Variants in ANO6 observed in about 807,000 individuals in gnomAD.
ANO6 encodes anoctamin 6, also known as anoctamin-6.
Under a neutral mutation model 117.5 loss-of-function variants are expected in ANO6, and 106 were observed. The observed-to-expected ratio is 0.90, with a 90% CI of 0.77 to 1.06. ANO6 has a LOEUF of 1.06. Among genes scored for constraint, ANO6 ranks in the 50% least tolerant of loss-of-function variants. The pLI is 0.00. For missense variants in ANO6, 955 were observed against 1,121.1 expected (o/e 0.85, Z 2.12); for synonymous variants, 367 against 385.1 (o/e 0.95, Z 0.55).
chr12:45,388,995 T>C (rs1183149519), intron 11 of ANO6, among the ~76,000 whole-genome samples: 1 of 152,242 alleles, frequency 6.6e-6, no homozygotes. Flanking sequence ...TTCTTGCTTC[T>C]TTCCATCAAC....
At chr12:45,398,084 T>C (rs1309393373) in intron 12 of ANO6, among the ~76,000 whole-genome samples, 1 of 152,196 alleles carries the variant, frequency 6.6e-6, no homozygotes, top group Non-Finnish European at 1.5e-5. Context: ...AACATTTAAA[T>C]ATTTCTATAC....
At chr12:45,302,178 C>T in intron 2 of ANO6, 85 bp downstream of exon 2, 1 of 1,210,512 alleles carries the variant, frequency 8.3e-7, no homozygotes. Flanking sequence ...TTTATGAATT[C>T]ATTCCTTCAA....
intron 3 of ANO6, among the ~76,000 whole-genome samples, chr12:45,343,119 C>T (rs1398493793): frequency 6.6e-6 from 1 of 152,150 alleles, no homozygotes; most frequent in Non-Finnish European, 1.5e-5. Context: ...AAGTTTGGAA[C>T]AGCTCCCTAG....
At chr12:45,347,277 CT>C in intron 4 of ANO6, 190 bp downstream of exon 4, 1 of 569,214 alleles carries the variant, frequency 1.8e-6, no homozygotes, top group Non-Finnish European at 3.1e-6. Flanking sequence ...ACTAGCAGAT[CT>C]TTTTTAATAG....
At chr12:45,258,837 G>A (rs933490539) in intron 1 of ANO6, among the ~76,000 whole-genome samples, 1 of 152,196 alleles carries the variant, frequency 6.6e-6, no homozygotes, top group African/African-American at 2.4e-5. Context: ...TAAACTACGA[G>A]CTGGAAATAA....
Position 45,367,730 on chromosome 12 carries a change from G to T in ANO6, c.1041G>T (p.Met347Ile), listed in dbSNP as rs1376244974. The change falls in exon 9 of 20, where the codon ATG becomes ATT. Residue 347 changes from methionine to isoleucine, a missense_variant. Met to Ile is a conservative substitution (Grantham distance 10). Transcript: ENST00000320560. ...CTGATATTGGTGGCAAGATCATAATGTGTCCTCAGTGTGATAGGCTTTGTC... is the reference window on the plus strand; with the variant it reads ...CTGATATTGGTGGCAAGATCATAATTTGTCCTCAGTGTGATAGGCTTTGTC... ...CHPDIGGKII[M>I]CPQCDRLCPF... 3 of 1,613,588 alleles carry T rather than the reference G, an allele frequency of 1.9e-6. No individual in the cohort carries two copies. Among genetic ancestry groups the T allele is most frequent in the Non-Finnish European group, 2.5e-6 (3 of 1,179,848 alleles).
intron 1 of ANO6, among the ~76,000 whole-genome samples, chr12:45,280,972 T>G (rs1938711669): frequency 1.3e-5 from 2 of 152,192 alleles, no homozygotes; most frequent in South Asian, 2.1e-4. Context: ...ATCTGTCATC[T>G]TTCTGATAAA....
At chr12:45,337,094 G>T (rs1437573652) in intron 3 of ANO6, among the ~76,000 whole-genome samples, 1 of 152,068 alleles carries the variant, frequency 6.6e-6, no homozygotes, top group Non-Finnish European at 1.5e-5. Context: ...GTTTTGTACA[G>T]CTGTAGAGTG....
intron 2 of ANO6, among the ~76,000 whole-genome samples, chr12:45,303,729 A>G (rs141297616): frequency 3.9e-4 from 60 of 152,322 alleles, no homozygotes; most frequent in African/African-American, 1.4e-3. Flanking sequence ...GAAGACAGCT[A>G]GTCTAAGCTA....
chr12:45,249,795 C>T (rs1164030587), intron 1 of ANO6, among the ~76,000 whole-genome samples: 1 of 152,198 alleles, frequency 6.6e-6, no homozygotes, highest in East Asian at 1.9e-4. Flanking sequence ...AGTGCGCTAG[C>T]CCTGTGTATG....
chr12:45,286,652 C>A (rs991823612), intron 1 of ANO6, among the ~76,000 whole-genome samples: 20 of 152,220 alleles, frequency 1.3e-4, no homozygotes, highest in African/African-American at 4.6e-4. Context: ...GCTGTATACC[C>A]CTCTTTTAAA....
At chr12:45,386,089 A>G (rs1179090381) in intron 10 of ANO6, among the ~76,000 whole-genome samples, 1 of 152,114 alleles carries the variant, frequency 6.6e-6, no homozygotes, top group Non-Finnish European at 1.5e-5. Context: ...AAACAAAACA[A>G]CTATGCTCAG....
chr12:45,437,071 G>T (rs1370687196), downstream of ANO6, among the ~76,000 whole-genome samples: 1 of 152,158 alleles, frequency 6.6e-6, no homozygotes, highest in African/African-American at 2.4e-5. Flanking sequence ...AAAAGACAAG[G>T]GTTGACATAT....
intron 1 of ANO6, among the ~76,000 whole-genome samples, chr12:45,255,132 G>A (rs867131879): frequency 6.6e-6 from 1 of 152,148 alleles, no homozygotes; most frequent in African/African-American, 2.4e-5. Context: ...GTAGCATCTT[G>A]TTATCTATCA....
chr12:45,293,734 T>TTG (rs1565669629), intron 1 of ANO6, among the ~76,000 whole-genome samples: 1 of 125,382 alleles, frequency 8.0e-6, no homozygotes, highest in Non-Finnish European at 1.7e-5. Context: ...CTAATGTTTT[T>TTG]TTTTTTTTTT....
intron 17 of ANO6, among the ~76,000 whole-genome samples, chr12:45,417,672 A>G (rs1477956879): frequency 6.6e-6 from 1 of 152,212 alleles, no homozygotes; most frequent in African/African-American, 2.4e-5. Context: ...CTTCCCAAGA[A>G]GTATCCCAAA....
intron 19 of ANO6, among the ~76,000 whole-genome samples, chr12:45,438,715 A>G (rs1435363717): frequency 6.6e-6 from 1 of 152,204 alleles, no homozygotes; most frequent in Non-Finnish European, 1.5e-5. Flanking sequence ...AGGATATCAA[A>G]TAAGGGATAT....
In ANO6 at chr12:45,430,656, G is replaced by C; in HGVS notation, c.*1345G>C. The C allele has an allele frequency of 1.0e-6, 1 of 985,306 alleles. No homozygotes were observed. The highest frequency in any genetic ancestry group is 5.2e-4 in the Middle Eastern group (1 of 1,914). 61.0% of individuals were successfully genotyped at this position (985,306 alleles called of 1,614,324 possible). ...GCAGTTAAGAGTAATAAAGGAAAAG[G>C]GTTTGGTCACAAACCCTACCATTAT... On this transcript the variant is annotated 3_prime_UTR_variant, in exon 20 of 20. Transcript: ENST00000320560.
Position 45,388,269 on chromosome 12 carries a change from G to T in ANO6, c.1274G>T (p.Arg425Leu). ...EEQARPEYEA[R>L]CTHVVINEIT... is the part of the protein sequence containing the mutation. ...CAAGCCCGACCAGAATACGAAGCAC[G>T]ATGTACTCACGTAGTGATAAATGAG... Residue 425 changes from arginine to leucine, a missense_variant, in exon 11 of 20, where the codon CGA becomes CTA. Transcript: ENST00000320560. 6.2e-7 allele frequency: 1 copy of T among 1,614,100 alleles called. No homozygotes were observed. Among genetic ancestry groups the T allele is most frequent in the East Asian group, 2.2e-5 (1 of 44,872 alleles).
Sources: gnomAD v4.1 joint callset for allele counts (sites outside exome capture counted in the v4.1 genomes callset) on GRCh38, gnomAD v4.1.1 for gene constraint, MANE v1.5 for transcripts, NCBI Gene and HGNC (gene_info 2026-07-23, HGNC 2026-07-21) for gene names.